Variants in WDR37 observed in about 807,000 individuals in gnomAD.
The protein encoded by WDR37 is WD repeat-containing protein 37.
WDR37 carries 19 observed loss-of-function variants against 62.9 expected under a neutral mutation model. That is an observed-to-expected ratio of 0.30 (90% CI 0.21 to 0.44). The LOEUF is 0.44. Ranked by LOEUF, WDR37 falls within the 20% of genes least tolerant of loss-of-function variation. The pLI, the probability that WDR37 is intolerant of heterozygous loss-of-function variation, is 1.00. For missense variants in WDR37, 474 were observed against 657.6 expected (o/e 0.72, Z 3.05); for synonymous variants, 250 against 260.9 (o/e 0.96, Z 0.40).
At chr10:1,118,950 T>C (rs1203995542) in intron 11 of WDR37, among the ~76,000 whole-genome samples, 1 of 152,222 alleles carries the variant, frequency 6.6e-6, no homozygotes, top group East Asian at 1.9e-4. Flanking sequence ...ATCCCACTGA[T>C]TTCTCTTACT....
At position 1,088,816 on chromosome 10, in the gene WDR37, C is replaced by T. The variant is rs376403599; in HGVS notation, c.604+2459C>T. Among the ~76,000 whole-genome samples the T allele has an allele frequency of 6.0e-4, 92 of 152,230 alleles. No homozygotes were observed. The Middle Eastern group carries it at 0.027, about 45-fold the overall frequency. Reference sequence around the variant, plus strand: ...AATTAGGTGTTCAACGCAGGGTTGCCACAAACCCTCAATTTGTAAAAAATC... The same window carrying T: ...AATTAGGTGTTCAACGCAGGGTTGCTACAAACCCTCAATTTGTAAAAAATC... On this transcript the variant is annotated intron_variant, in intron 7 of 13. Coordinates refer to ENST00000263150, the MANE Select transcript of WDR37 (RefSeq NM_014023.4).
Position 1,105,081 on chromosome 10 carries a change from G to T in WDR37, c.962-45G>T. On this transcript the variant is annotated intron_variant, in intron 10 of 13. Transcript: ENST00000263150. The surrounding 1 kb of genome is among the most constrained non-coding windows in gnomAD (Gnocchi z 5.3). The stretch of plus-strand genomic sequence containing the variant: ...GCTGTTGAAAAGCGTCTCTCTCAGC[G>T]TGCTCCTCAGGTGATGACCTTGTGT... 1 of 1,604,560 alleles carries T rather than the reference G, an allele frequency of 6.2e-7. No homozygotes were observed. The highest frequency in any genetic ancestry group is 1.1e-5 in the South Asian group (1 of 90,690).
At chr10:1,110,216 C>G (rs1303833120) in intron 11 of WDR37, among the ~76,000 whole-genome samples, 1 of 152,210 alleles carries the variant, frequency 6.6e-6, no homozygotes, top group African/African-American at 2.4e-5. Flanking sequence ...CCTCACCGGC[C>G]TGGCGGTTTC....
chr10:1,089,732 T>TTCAC (rs1357805006), intron 7 of WDR37, among the ~76,000 whole-genome samples: 3 of 151,690 alleles, frequency 2.0e-5, no homozygotes, highest in African/African-American at 7.3e-5. Flanking sequence ...CCTTCCTGTG[T>TTCAC]TCACTCACTC....
In WDR37 at chr10:1,072,139, A is replaced by G; in HGVS notation, c.-17A>G. On this transcript the variant is annotated 5_prime_UTR_variant, in exon 2 of 14. Coordinates refer to ENST00000263150, the MANE Select transcript of WDR37 (RefSeq NM_014023.4). ...AGCTTATTGCAGGAGTGACCAGGAC[A>G]CTACCTCCTAGAAGTAATGCCCACA... The G allele has an allele frequency of 8.7e-6, 14 of 1,613,844 alleles. No individual in the cohort carries two copies. Among genetic ancestry groups the G allele is most frequent in the Non-Finnish European group, 1.1e-5 (13 of 1,179,836 alleles).
intron 11 of WDR37, among the ~76,000 whole-genome samples, chr10:1,106,610 G>T (rs1269198447): frequency 7.2e-5 from 11 of 152,050 alleles, no homozygotes; most frequent in Middle Eastern, 3.4e-3. Context: ...TCTGCCTCCC[G>T]GGTTCAAGCG....
At chr10:1,083,284 T>C (rs1426704902) in intron 5 of WDR37, among the ~76,000 whole-genome samples, 2 of 152,214 alleles carry the variant, frequency 1.3e-5, no homozygotes, top group African/African-American at 4.8e-5. Flanking sequence ...TCTGACCAGT[T>C]GCAGTGGAAG....
chr10:1,072,057 G>A (rs1290840135), intron 1 of WDR37, 59 bp from the exon 2 acceptor site: 1 of 1,389,268 alleles, frequency 7.2e-7, no homozygotes, highest in Non-Finnish European at 9.8e-7. Context: ...CTTCTTCACT[G>A]TTTTTCTTTT....
At chr10:1,068,383 G>C (rs1272906596) in intron 1 of WDR37, among the ~76,000 whole-genome samples, 1 of 108,264 alleles carries the variant, frequency 9.2e-6, no homozygotes, top group Non-Finnish European at 1.9e-5. Flanking sequence ...CGTGAACCCG[G>C]GAGGCGGAGG....
chr10:1,074,293 C>A (rs1833802931), intron 2 of WDR37: 1 of 1,191,712 alleles, frequency 8.4e-7, no homozygotes, highest in Non-Finnish European at 1.1e-6. Flanking sequence ...TGAAAGTGTT[C>A]TTTTCTGGGC....
At chr10:1,067,055 T>C (rs779076666) in intron 1 of WDR37, among the ~76,000 whole-genome samples, 16 of 152,200 alleles carry the variant, frequency 1.1e-4, no homozygotes, top group Non-Finnish European at 1.3e-4. Context: ...GCTGGGGACA[T>C]AGCCAAACCA....
chr10:1,064,524 G>A (rs12247818), intron 1 of WDR37, among the ~76,000 whole-genome samples: 16,604 of 145,330 alleles, frequency 0.11, 1,088 homozygotes, highest in African/African-American at 0.19. Flanking sequence ...GAAGACAGAA[G>A]CATAGTAAGA....
chr10:1,126,816 C>T (rs981519593), intron 13 of WDR37, among the ~76,000 whole-genome samples: 5 of 152,188 alleles, frequency 3.3e-5, no homozygotes, highest in Non-Finnish European at 7.3e-5. Context: ...TCCCTGAGAC[C>T]GGGTGTCTCT....
chr10:1,114,738 C>G (rs1432999405), intron 11 of WDR37, among the ~76,000 whole-genome samples: 6 of 152,234 alleles, frequency 3.9e-5, no homozygotes, highest in Non-Finnish European at 1.5e-5. Context: ...GTGCTTTTCA[C>G]CTGAACTAAG....
intron 13 of WDR37, among the ~76,000 whole-genome samples, chr10:1,127,251 G>C (rs1192274531): frequency 6.6e-6 from 1 of 152,198 alleles, no homozygotes; most frequent in Admixed American, 6.5e-5. Context: ...ATTCTGTGTA[G>C]ACAGTTTTAT....
At chr10:1,128,726 G>C (rs543224046) in intron 13 of WDR37, among the ~76,000 whole-genome samples, 42 of 152,256 alleles carry the variant, frequency 2.8e-4, no homozygotes, top group Non-Finnish European at 5.1e-4. Flanking sequence ...TTTTGGGCGG[G>C]TTCCACCAAC....
intron 2 of WDR37, among the ~76,000 whole-genome samples, chr10:1,075,672 G>A (rs977062474): frequency 6.6e-5 from 10 of 152,284 alleles, no homozygotes; most frequent in African/African-American, 2.4e-4. Context: ...ATGCTTGTGG[G>A]GAGGGATGTT....
chr10:1,066,407 C>A (rs574373406), intron 1 of WDR37, among the ~76,000 whole-genome samples: 11 of 152,206 alleles, frequency 7.2e-5, no homozygotes, highest in Non-Finnish European at 1.3e-4. Flanking sequence ...TGAGCCACCT[C>A]GCCCAGCCCG....
chr10:1,059,107 G>C (rs1215690742), intron 1 of WDR37, among the ~76,000 whole-genome samples: 1 of 152,186 alleles, frequency 6.6e-6, no homozygotes, highest in East Asian at 1.9e-4. Flanking sequence ...AGGGCGTGGT[G>C]GCTCATGCCT....
Sources: gnomAD v4.1 joint callset for allele counts (sites outside exome capture counted in the v4.1 genomes callset) on GRCh38, gnomAD v4.1.1 for gene constraint, Gnocchi (gnomAD v3.1) non-coding constraint, MANE v1.5 for transcripts, NCBI Gene and HGNC (gene_info 2026-07-23, HGNC 2026-07-21) for gene names.